POLE: variants seen among roughly 807,000 people sequenced by gnomAD.
The protein encoded by POLE is DNA polymerase epsilon, catalytic subunit.
In POLE, 188 loss-of-function variants were observed where a neutral mutation model predicts 279.2. The observed-to-expected ratio is 0.67, with a 90% CI of 0.60 to 0.76. POLE has a LOEUF of 0.76. Ranked by LOEUF, POLE falls within the 30% of genes least tolerant of loss-of-function variation. The probability of loss-of-function intolerance (pLI) is 0.00; values close to 1 mark genes in which losing one functional copy is unlikely to be tolerated. For missense variants in POLE, 2,703 were observed against 3,016.7 expected (o/e 0.90, Z 2.44); for synonymous variants, 1,214 against 1,172.5 (o/e 1.04, Z -0.72).
At chr12:132,679,868 G>T in intron 5 of POLE, 86 bp downstream of exon 5, 2 of 1,106,864 alleles carry the variant, frequency 1.8e-6, no homozygotes, top group Non-Finnish European at 1.3e-6. Flanking sequence ...CAGATGACCT[G>T]AATTTCTACC....
At chr12:132,645,379 G>A (rs976794203) in intron 32 of POLE, among the ~76,000 whole-genome samples, 1 of 149,840 alleles carries the variant, frequency 6.7e-6, no homozygotes. Flanking sequence ...GGGCACCCTA[G>A]CTTCGTGTGT....
intron 32 of POLE, among the ~76,000 whole-genome samples, chr12:132,648,350 G>A (rs1485785676): frequency 1.3e-5 from 2 of 151,718 alleles, no homozygotes; most frequent in Admixed American, 6.6e-5. Context: ...GGGGTGAGGG[G>A]AGGGGGAATA....
Position 132,673,144 on chromosome 12 carries a change from A to G in POLE, c.1473+20T>C, listed in dbSNP as rs1272753009. On this transcript the variant is annotated intron_variant, in intron 14 of 48. Transcript: ENST00000320574. Reference sequence around the variant, plus strand: ...AAGGGCTGAGGAGGCCAGGGTGCCGACAGGACAGATAATGCTCACCTCGTC... The same window carrying G: ...AAGGGCTGAGGAGGCCAGGGTGCCGGCAGGACAGATAATGCTCACCTCGTC... 6.7e-7 allele frequency: 1 copy of G among 1,501,712 alleles called. No homozygotes were observed. Among genetic ancestry groups the G allele is most frequent in the Non-Finnish European group, 9.3e-7 (1 of 1,077,616 alleles). 93.0% of individuals were successfully genotyped at this position (1,501,712 alleles called of 1,614,324 possible). A position where few individuals can be genotyped will look rare whatever the true frequency, so the allele number is the denominator to read the frequency against.
At chr12:132,627,860 G>A (rs2041866282) in intron 45 of POLE, among the ~76,000 whole-genome samples, 3 of 152,150 alleles carry the variant, frequency 2.0e-5, no homozygotes, top group Admixed American at 2.0e-4. Flanking sequence ...GAAGTTTGCT[G>A]CATCAACTGA....
At chr12:132,625,567 A>G (rs1225108085) in intron 47 of POLE, 78 bp downstream of exon 47, 2 of 1,574,636 alleles carry the variant, frequency 1.3e-6, no homozygotes, top group African/African-American at 2.7e-5. Context: ...GGACCTGCAC[A>G]CACCCCGGCT....
At position 132,675,652 on chromosome 12, in the gene POLE, C is replaced by G; in HGVS notation, c.1106+83G>C. The stretch of plus-strand genomic sequence containing the variant: ...TGAACCCAGGAGCCACCTCCTAAGT[C>G]GACATGGGAAGCGCCCCTGCACCAC... On this transcript the variant is annotated intron_variant, in intron 11 of 48. Transcript: ENST00000320574. This position sits in a 1 kb window ranked among gnomAD's most constrained non-coding sequence, Gnocchi z 4.3. 6.4e-7 allele frequency: 1 copy of G among 1,567,440 alleles called. No homozygotes were observed. The highest frequency in any genetic ancestry group is 1.4e-5 in the African/African-American group (1 of 74,006).
At chr12:132,672,127 G>A (rs1176525209) in intron 16 of POLE, 88 bp downstream of exon 16, 2 of 893,354 alleles carry the variant, frequency 2.2e-6, no homozygotes, top group East Asian at 4.9e-5. Flanking sequence ...ACACGCAGCA[G>A]GTGCACAATA....
chr12:132,663,915 T>G (rs2042731722), intron 23 of POLE, 89 bp downstream of exon 23: 1 of 1,411,882 alleles, frequency 7.1e-7, no homozygotes, highest in African/African-American at 1.4e-5. Context: ...CAGGAAGGCA[T>G]GCACACTGTG....
intron 16 of POLE, among the ~76,000 whole-genome samples, chr12:132,671,577 G>A (rs1031069400): frequency 1.3e-5 from 2 of 150,476 alleles, no homozygotes; most frequent in South Asian, 2.1e-4. Flanking sequence ...CCTGAGGCAG[G>A]AGAATTGCTT....
chr12:132,631,548 C>T (rs1208853685), intron 45 of POLE, among the ~76,000 whole-genome samples: 2 of 152,300 alleles, frequency 1.3e-5, no homozygotes, highest in South Asian at 2.1e-4. Flanking sequence ...TAACCTTAGC[C>T]GTGTGTGAGA....
chr12:132,666,163 T>G (rs537173446), intron 20 of POLE, among the ~76,000 whole-genome samples: 1 of 152,210 alleles, frequency 6.6e-6, no homozygotes, highest in Admixed American at 6.5e-5. Context: ...AGCCAAAAGG[T>G]GGAAGCAACC....
chr12:132,668,599 T>C lies in POLE; in HGVS notation c.2026+36A>G, dbSNP rs769182131. ...GGCGGCCGACACTCACCCACCCGTT[T>C]CCCACCGAGTGCCCACCCAGGCGGC... On this transcript the variant is annotated intron_variant, in intron 18 of 48. Transcript: ENST00000320574. The surrounding 1 kb of genome is among the most constrained non-coding windows in gnomAD (Gnocchi z 4.0). The C allele has an allele frequency of 6.3e-6, 10 of 1,591,572 alleles. No homozygotes were observed.
intron 25 of POLE, 112 bp from the exon 26 acceptor site, chr12:132,659,621 C>G (rs2042635349): frequency 1.2e-6 from 1 of 816,030 alleles, no homozygotes; most frequent in African/African-American, 1.7e-5. Flanking sequence ...ACGCAGAAGG[C>G]TGCAATTTCA....
rs1319872290 is a variant in POLE, at chr12:132,677,712, G to A, written c.586C>T (p.Gln196Ter). 1 of 1,613,976 alleles carries A rather than the reference G, an allele frequency of 6.2e-7. No homozygotes were observed. The highest frequency in any genetic ancestry group is 1.7e-5 in the Admixed American group (1 of 60,012). The change falls in exon 7 of 49, where the codon CAG becomes TAG. Residue 196 changes from glutamine to a stop codon, truncating the protein, a stop_gained. Transcript: ENST00000320574. LOFTEE classifies it high-confidence loss of function. ...AYTALLSSVL[Q>*]RGGVITDEEE... ...TCATCAGTAATGACACCGCCCCTCTGCAGAACACTAGGAATTAACAAGAGA... is the reference window on the plus strand; with the variant it reads ...TCATCAGTAATGACACCGCCCCTCTACAGAACACTAGGAATTAACAAGAGA...
Position 132,657,173 on chromosome 12 carries a change from T to G in POLE, c.3545A>C (p.Lys1182Thr). 1 of 1,613,982 alleles carries G rather than the reference T, an allele frequency of 6.2e-7. No homozygotes were observed. The highest frequency in any genetic ancestry group is 8.5e-7 in the Non-Finnish European group (1 of 1,179,998). The change falls in exon 29 of 49, where the codon AAG becomes ACG. Residue 1182 changes from lysine to threonine, a missense_variant. This residue lies in a region of POLE where 1,551 missense variants were observed against 1,686.1 expected (regional missense o/e 0.92). Transcript: ENST00000320574. The part of the protein sequence containing the change: ...LEKNDVYKQK[K>T]ISELFTLEGR... The stretch of plus-strand genomic sequence containing the variant: ...CTCCAGGGTGAAGAGCTCACTGATC[T>G]TCTTCTGCTTGTAGACATCATTCTT...
At position 132,639,128 on chromosome 12, in the gene POLE, A is replaced by T. The variant is rs1565932919; in HGVS notation, c.5549T>A (p.Leu1850Gln). ...CCCAGGGAGGAGGAGCACTCACTGC[A>T]GGAAGAGCTTCTTCATCATGTTGTG... Reference protein sequence around the residue: ...TLHNMMKKLFLQLIAEFKRLG... With the variant: ...TLHNMMKKLFQQLIAEFKRLG... The change falls in exon 40 of 49, where the codon CTG (leucine) becomes CAG (glutamine). Residue 1850 changes from leucine to glutamine, a missense_variant. Leu to Gln is a moderately radical substitution (Grantham distance 113). Around this residue, in one of 5 missense-constraint regions of POLE, gnomAD observed 1,551 missense variants for 1,686.1 expected, o/e 0.92. Coordinates refer to ENST00000320574, the MANE Select transcript of POLE (RefSeq NM_006231.4). This position sits in a 1 kb window ranked among gnomAD's most constrained non-coding sequence, Gnocchi z 4.7. The T allele has an allele frequency of 6.2e-7, 1 of 1,614,024 alleles. No individual in the cohort carries two copies.
intron 29 of POLE, among the ~76,000 whole-genome samples, 199 bp downstream of exon 29, chr12:132,656,937 C>A (rs1393139352): frequency 8.5e-5 from 13 of 152,196 alleles, no homozygotes. Context: ...CTCACCTCAG[C>A]CTCACAATGG....
In POLE at chr12:132,635,982, G is replaced by T. The variant is rs752363769; in HGVS notation, c.5721C>A (p.Phe1907Leu). ...KETFHSLTIS[F>L]SRCWEFLLWM... is the part of the protein sequence containing the mutation. ...AGAGAAGAAATTCCCAGCATCGAGA[G>T]AAAGAAATTGTCAGAGAATGGAAGG... The change falls in exon 42 of 49, where the codon TTC (phenylalanine) becomes TTA (leucine). Residue 1907 changes from phenylalanine to leucine, a missense_variant. Phe to Leu is a conservative substitution (Grantham distance 22, BLOSUM62 0). This residue lies in a region of POLE where 1,551 missense variants were observed against 1,686.1 expected (regional missense o/e 0.92). Coordinates refer to ENST00000320574, the MANE Select transcript of POLE (RefSeq NM_006231.4). 2.5e-6 allele frequency: 4 copies of T among 1,614,024 alleles called. No homozygotes were observed. Among genetic ancestry groups the T allele is most frequent in the Non-Finnish European group, 3.4e-6 (4 of 1,179,908 alleles).
chr12:132,628,348 A>G (rs1280465818), intron 45 of POLE, among the ~76,000 whole-genome samples: 1 of 148,616 alleles, frequency 6.7e-6, no homozygotes, highest in African/African-American at 2.5e-5. Context: ...TTAAAAAAAA[A>G]ACTACTTTTT....
Sources: gnomAD v4.1 joint callset for allele counts (sites outside exome capture counted in the v4.1 genomes callset) on GRCh38, gnomAD v4.1.1 for gene constraint, gnomAD v4.1.1 regional missense constraint, Gnocchi (gnomAD v3.1) non-coding constraint, MANE v1.5 for transcripts, NCBI Gene and HGNC (gene_info 2026-07-23, HGNC 2026-07-21) for gene names.